Variants in INSL6 observed in about 807,000 individuals in gnomAD.
INSL6 encodes insulin like 6.
A neutral mutation model predicts 9.4 loss-of-function variants in INSL6; 16 were observed. The ratio of observed to expected loss-of-function variants is 1.70; its 90% CI spans 1.15 to 2.59. INSL6 has a LOEUF of 2.59. Ranked by LOEUF, INSL6 falls within the 30% of genes most tolerant of loss-of-function variation. The probability of loss-of-function intolerance (pLI) is 0.00; values close to 1 mark genes in which losing one functional copy is unlikely to be tolerated. For synonymous variants in INSL6, 154 were observed against 96.9 expected (o/e 1.59, Z -3.46); for missense variants, 391 against 257.3 (o/e 1.52, Z -3.56).
At chr9:5,089,399 G>T in the INSL6 span, among the ~76,000 whole-genome samples, 698 of 152,072 alleles carry the variant, frequency 4.6e-3, no homozygotes, top group Non-Finnish European at 7.6e-3. Flanking sequence ...TTAGCTGGGC[G>T]TATTGGCGGG....
At chr9:5,134,753 T>A (rs1329348907) in intron 2 of INSL6, among the ~76,000 whole-genome samples, 2 of 152,194 alleles carry the variant, frequency 1.3e-5, no homozygotes, top group East Asian at 3.9e-4. Flanking sequence ...GTAAAGACCA[T>A]CGACACTATG....
At chr9:5,071,527 CAG>C in the INSL6 span, among the ~76,000 whole-genome samples, 17 of 152,092 alleles carry the variant, frequency 1.1e-4, no homozygotes, top group South Asian at 3.1e-3. Context: ...GACATTAAAA[CAG>C]AATATACAGG....
chr9:5,042,261 C>T, the INSL6 span, among the ~76,000 whole-genome samples: 2 of 151,798 alleles, frequency 1.3e-5, no homozygotes, highest in Non-Finnish European at 1.5e-5. Flanking sequence ...CCTCAGCCTC[C>T]CAAGTAGCTG....
the INSL6 span, chr9:5,069,234 A>G: frequency 6.7e-7 from 1 of 1,487,746 alleles, no homozygotes; most frequent in African/African-American, 1.4e-5. Flanking sequence ...AGTTATTTTT[A>G]AATTACTGGT....
At chr9:5,074,663 A>G in the INSL6 span, among the ~76,000 whole-genome samples, 1 of 152,196 alleles carries the variant, frequency 6.6e-6, no homozygotes. Flanking sequence ...TGAGACAACA[A>G]TATTAAAATT....
At chr9:5,078,436 C>A in the INSL6 span, 3 of 1,611,936 alleles carry the variant, frequency 1.9e-6, no homozygotes, top group Non-Finnish European at 2.5e-6. Context: ...ACAGTTTTGC[C>A]AAAGGACAGT....
At chr9:5,114,460 C>A in the INSL6 span, 1 of 473,956 alleles carries the variant, frequency 2.1e-6, no homozygotes, top group Non-Finnish European at 4.2e-6. Flanking sequence ...CACCTGCAGT[C>A]CACGACCAAG....
At chr9:5,173,402 A>T (rs1396424842) in intron 1 of INSL6, among the ~76,000 whole-genome samples, 1 of 152,228 alleles carries the variant, frequency 6.6e-6, no homozygotes, top group African/African-American at 2.4e-5. Context: ...AATGTGGCAC[A>T]TATACACCAT....
At chr9:5,061,186 T>G in the INSL6 span, among the ~76,000 whole-genome samples, 1 of 152,200 alleles carries the variant, frequency 6.6e-6, no homozygotes, top group African/African-American at 2.4e-5. Flanking sequence ...AGCCCTGGGA[T>G]TTTTGGAATG....
the INSL6 span, among the ~76,000 whole-genome samples, chr9:5,001,535 C>T: frequency 6.6e-6 from 1 of 152,030 alleles, no homozygotes. Flanking sequence ...TGGAATAAAA[C>T]CCACTTGGTG....
At chr9:5,150,041 C>T (rs916002461) in intron 2 of INSL6, among the ~76,000 whole-genome samples, 1 of 152,072 alleles carries the variant, frequency 6.6e-6, no homozygotes, top group African/African-American at 2.4e-5. Flanking sequence ...ATTGGATAGC[C>T]CTGTGCAGAA....
chr9:5,163,475 T>C (rs1824970812), downstream of INSL6, among the ~76,000 whole-genome samples: 1 of 152,210 alleles, frequency 6.6e-6, no homozygotes, highest in Admixed American at 6.5e-5. Flanking sequence ...CAAGGGCTTC[T>C]ACCAGGAATG....
At chr9:5,075,065 A>T in the INSL6 span, among the ~76,000 whole-genome samples, 1 of 152,016 alleles carries the variant, frequency 6.6e-6, no homozygotes, top group Admixed American at 6.5e-5. Flanking sequence ...AGCCCAATCT[A>T]GAGCAAGATC....
chr9:5,073,527 C>T, the INSL6 span, among the ~76,000 whole-genome samples: 2 of 152,274 alleles, frequency 1.3e-5, no homozygotes, highest in South Asian at 4.1e-4. Flanking sequence ...TTCCTCAGAA[C>T]GTTGATGGCA....
downstream of INSL6, among the ~76,000 whole-genome samples, chr9:5,160,542 T>C (rs1370086105): frequency 3.9e-5 from 6 of 151,906 alleles, no homozygotes; most frequent in Admixed American, 6.6e-5. Flanking sequence ...CTTAAAGAAC[T>C]AGAAAAGCAA....
downstream of INSL6, chr9:5,163,860 G>C: frequency 8.6e-7 from 1 of 1,159,032 alleles, no homozygotes; most frequent in Non-Finnish European, 1.2e-6. Flanking sequence ...AAAAAAAATA[G>C]AGTTAAATAA....
chr9:5,130,003 AAT>A (rs1824232953), intron 3 of INSL6, among the ~76,000 whole-genome samples: 1 of 152,198 alleles, frequency 6.6e-6, no homozygotes, highest in South Asian at 2.1e-4. Flanking sequence ...GCAAGCTCTC[AAT>A]ATGTTTCATT....
At chr9:5,107,553 G>T in the INSL6 span, among the ~76,000 whole-genome samples, 9 of 152,068 alleles carry the variant, frequency 5.9e-5, no homozygotes, top group African/African-American at 1.7e-4. Flanking sequence ...CTCAAAAAGG[G>T]TTAGATTGAA....
the INSL6 span, among the ~76,000 whole-genome samples, chr9:5,002,881 G>A: frequency 6.6e-6 from 1 of 151,886 alleles, no homozygotes; most frequent in African/African-American, 2.4e-5. Flanking sequence ...ACATTGGTCT[G>A]TTTTCCATCT....
Sources: allele counts gnomAD v4.1 joint callset (sites outside exome capture counted in the v4.1 genomes callset), GRCh38; gene constraint gnomAD v4.1.1; transcripts MANE v1.5; gene names NCBI Gene and HGNC (gene_info 2026-07-23, HGNC 2026-07-21).